Variants in TM7SF2 observed in about 807,000 individuals in gnomAD.
TM7SF2 encodes transmembrane 7 superfamily member 2.
TM7SF2 carries 51 observed loss-of-function variants against 51.0 expected under a neutral mutation model. The observed-to-expected ratio is 1.00, with a 90% CI of 0.80 to 1.26. The LOEUF (loss-of-function observed/expected upper bound fraction) is 1.26, where lower values mean the gene tolerates loss of function less well. Among genes scored for constraint, TM7SF2 ranks in the 50% most tolerant of loss-of-function variants. The pLI is 0.00. For synonymous variants in TM7SF2, 255 were observed against 241.0 expected (o/e 1.06, Z -0.54); for missense variants, 541 against 547.4 (o/e 0.99, Z 0.12).
In TM7SF2 at chr11:65,113,406, G is replaced by A. The variant is rs1947937155; in HGVS notation, c.491G>A (p.Gly164Glu). 1.2e-6 allele frequency: 2 copies of A among 1,614,192 alleles called. No homozygotes were observed. The highest frequency in any genetic ancestry group is 1.7e-6 in the Non-Finnish European group (2 of 1,180,020). Residue 164 changes from glycine (G) to glutamate (E), a missense_variant, in exon 4 of 10, where the codon GGG (glycine) becomes GAG (glutamate). Transcript: ENST00000279263. The stretch of plus-strand genomic sequence containing the variant: ...CCAGTTTCGGCCCTGGCACCTGGGG[G>A]GAACTCAGGTGAGAGGGGTCCTGGG... ...VAPVSALAPGGNSGNPIYDFF... is the reference protein window; with the variant it reads ...VAPVSALAPGENSGNPIYDFF...
rs1192899550 is a variant in TM7SF2, at chr11:65,112,793, G to A, written c.250-18G>A. 2 of 1,550,336 alleles carry A rather than the reference G, an allele frequency of 1.3e-6. No individual in the cohort carries two copies. The highest frequency in any genetic ancestry group is 1.4e-5 in the African/African-American group (1 of 73,168). On this transcript the variant is annotated intron_variant, in intron 2 of 9. Transcript: ENST00000279263. ...AAAGGACGCCCCGGGCCTTATCAGA[G>A]CCCCCTTGGACCCGCAGGTGGCCGA... is the stretch of plus-strand genomic sequence containing the variant.
chr11:65,115,875 G>C lies in TM7SF2; in HGVS notation c.1097-18G>C. The stretch of plus-strand genomic sequence containing the variant: ...TGGAGGGGCCGGCAGGGTGGTCACA[G>C]AGCCTCCTTCTCTACAGGGGTGTCA... On this transcript the variant is annotated intron_variant, in intron 9 of 9. Transcript: ENST00000279263. The C allele has an allele frequency of 1.9e-6, 3 of 1,614,006 alleles. No homozygotes were observed. Among genetic ancestry groups the C allele is most frequent in the Non-Finnish European group, 2.5e-6 (3 of 1,179,990 alleles).
intron 3 of TM7SF2, 36 bp downstream of exon 3, chr11:65,112,901 C>T: frequency 6.5e-7 from 1 of 1,549,042 alleles, no homozygotes; most frequent in Non-Finnish European, 8.7e-7. Flanking sequence ...TGGAGTTAAG[C>T]GGCCGGGGGT....
rs760505763 is a variant in TM7SF2, at chr11:65,114,830, G to C, written c.721G>C (p.Glu241Gln). 1 of 1,614,238 alleles carries C rather than the reference G, an allele frequency of 6.2e-7. No homozygotes were observed. Among genetic ancestry groups the C allele is most frequent in the Non-Finnish European group, 8.5e-7 (1 of 1,180,030 alleles). Residue 241 changes from glutamate to glutamine, a missense_variant and splice_region_variant, in exon 6 of 10, where the codon GAG becomes CAG. Coordinates refer to ENST00000279263, the MANE Select transcript of TM7SF2 (RefSeq NM_003273.6). ...CTACGTGGGTGATGCCCTCTGGCAC[G>C]AGGTGAGGCTGGACTGGACGAGGGT... ...LLYVGDALWH[E>Q]EAVLTTMDIT...
chr11:65,112,866 G>T lies in TM7SF2; in HGVS notation c.304+1G>T. 1 of 1,550,746 alleles carries T rather than the reference G, an allele frequency of 6.4e-7. No homozygotes were observed. The highest frequency in any genetic ancestry group is 8.7e-7 in the Non-Finnish European group (1 of 1,147,104). On this transcript the variant is annotated splice_donor_variant, in intron 3 of 9. Transcript: ENST00000279263. LOFTEE classifies it high-confidence loss of function. ...AGTCGCCTGCGCTATCCTATTAACG[G>T]TGCCTAGGGGACGGGCCCTCGCGCT...
chr11:65,114,738 T>C lies in TM7SF2; in HGVS notation c.629T>C (p.Met210Thr), dbSNP rs1192923440. 1 of 1,614,240 alleles carries C rather than the reference T, an allele frequency of 6.2e-7. No homozygotes were observed. The highest frequency in any genetic ancestry group is 1.1e-5 in the South Asian group (1 of 91,082). ...GTCCTCATCAACCTGGCCCTGTTGATGAAGGAGGCAGAGCTTCGAGGCAGT... is the reference window on the plus strand; with the variant it reads ...GTCCTCATCAACCTGGCCCTGTTGACGAAGGAGGCAGAGCTTCGAGGCAGT... ...GWVLINLALLMKEAELRGSPS... is the reference protein window; with the variant it reads ...GWVLINLALLTKEAELRGSPS... Residue 210 changes from methionine to threonine, a missense_variant, in exon 6 of 10, where the codon ATG becomes ACG. Physicochemically the swap from Met to Thr is moderately conservative, Grantham distance 81 (BLOSUM62 -1). Coordinates refer to ENST00000279263, the MANE Select transcript of TM7SF2 (RefSeq NM_003273.6).
rs1947981686 is a variant in TM7SF2 at position 65,116,118 on chromosome 11, A to G, written c.*65A>G. The G allele has an allele frequency of 6.4e-7, 1 of 1,555,230 alleles. No homozygotes were observed. The highest frequency in any genetic ancestry group is 8.7e-7 in the Non-Finnish European group (1 of 1,152,318). ...ATCCACCAGCACACCCAGGACCAGG[A>G]GCCTCGACACACTTGGGACTCAAGG... On this transcript the variant is annotated 3_prime_UTR_variant, in exon 10 of 10. Transcript: ENST00000279263.
At chr11:65,113,987 C>G (rs1201148663) in intron 5 of TM7SF2, among the ~76,000 whole-genome samples, 4 of 152,186 alleles carry the variant, frequency 2.6e-5, no homozygotes, top group African/African-American at 9.6e-5. Flanking sequence ...GGGTTAGCAA[C>G]CTACCCGTCA....
Position 65,113,402 on chromosome 11 carries a change from G to T in TM7SF2, c.487G>T (p.Gly163Trp). 6.2e-7 allele frequency: 1 copy of T among 1,614,110 alleles called. No homozygotes were observed. Among genetic ancestry groups the T allele is most frequent in the Non-Finnish European group, 8.5e-7 (1 of 1,179,986 alleles). Reference sequence around the variant, plus strand: ...AGCCCCAGTTTCGGCCCTGGCACCTGGGGGGAACTCAGGTGAGAGGGGTCC... The same window carrying T: ...AGCCCCAGTTTCGGCCCTGGCACCTTGGGGGAACTCAGGTGAGAGGGGTCC... ...QVAPVSALAPGGNSGNPIYDF... is the reference protein window; with the variant it reads ...QVAPVSALAPWGNSGNPIYDF... The change falls in exon 4 of 10, where the codon GGG becomes TGG. Residue 163 changes from glycine to tryptophan, a missense_variant. Gly to Trp is a radical substitution (Grantham distance 184, BLOSUM62 -2). Coordinates refer to ENST00000279263, the MANE Select transcript of TM7SF2 (RefSeq NM_003273.6).
chr11:65,115,601 G>A lies in TM7SF2; in HGVS notation c.1096+3G>A. The A allele has an allele frequency of 1.2e-6, 2 of 1,613,976 alleles. No homozygotes were observed. The highest frequency in any genetic ancestry group is 1.7e-6 in the Non-Finnish European group (2 of 1,179,976). ...TCTGGCTTGGTCCTTGCCCTGCGGT[G>A]AGTGGCCCATGTGGATATGGGTAGG... On this transcript the variant is annotated splice_donor_region_variant and intron_variant, in intron 9 of 9. Transcript: ENST00000279263.
At position 65,113,031 on chromosome 11, in the gene TM7SF2, A is replaced by T. The variant is rs959341496; in HGVS notation, c.304+166A>T. 104 of 1,053,248 alleles carry T rather than the reference A, an allele frequency of 9.9e-5. 1 individual carries two copies. The South Asian group carries it at 1.6e-3, about 16-fold the overall frequency. 65.2% of individuals were successfully genotyped at this position (1,053,248 alleles called of 1,614,324 possible). On this transcript the variant is annotated intron_variant, in intron 3 of 9. Coordinates refer to ENST00000279263, the MANE Select transcript of TM7SF2 (RefSeq NM_003273.6). ...CTCTCCCTATGCCCCTCGTCCCCAC[A>T]GCCTTACCCCATTTACTGCTACTCC...
At chr11:65,115,621 G>T in intron 9 of TM7SF2, 23 bp downstream of exon 9, 1 of 1,613,260 alleles carries the variant, frequency 6.2e-7, no homozygotes, top group Non-Finnish European at 8.5e-7. Flanking sequence ...TGTGGATATG[G>T]GTAGGGACAT....
intron 5 of TM7SF2, among the ~76,000 whole-genome samples, chr11:65,114,007 T>C (rs1464403020): frequency 6.6e-6 from 1 of 152,090 alleles, no homozygotes; most frequent in African/African-American, 2.4e-5. Flanking sequence ...ACTAGTGGCC[T>C]TGACAACATT....
At position 65,116,116 on chromosome 11, in the gene TM7SF2, G is replaced by C. The variant is rs1947981647; in HGVS notation, c.*63G>C. 2.3e-5 allele frequency: 36 copies of C among 1,559,562 alleles called. No individual in the cohort carries two copies. In the South Asian group the frequency reaches 3.6e-4, roughly 16 times the overall value. ...TCATCCACCAGCACACCCAGGACCAGGAGCCTCGACACACTTGGGACTCAA... is the reference window on the plus strand; with the variant it reads ...TCATCCACCAGCACACCCAGGACCACGAGCCTCGACACACTTGGGACTCAA... On this transcript the variant is annotated 3_prime_UTR_variant, in exon 10 of 10. Transcript: ENST00000279263.
intron 5 of TM7SF2, 23 bp downstream of exon 5, chr11:65,113,617 G>A: frequency 6.2e-7 from 1 of 1,610,138 alleles, no homozygotes; most frequent in Non-Finnish European, 8.5e-7. Context: ...TGACTGAGCT[G>A]GCCTCAGGCC....
chr11:65,112,272 T>C, intron 1 of TM7SF2: 1 of 644,446 alleles, frequency 1.6e-6, no homozygotes, highest in Non-Finnish European at 2.6e-6. Flanking sequence ...CGGGGATTTA[T>C]GGTGTCGACT....
At chr11:65,112,423 A>G in intron 1 of TM7SF2, 92 bp from the exon 2 acceptor site, 1 of 1,327,498 alleles carries the variant, frequency 7.5e-7, no homozygotes, top group East Asian at 2.9e-5. Flanking sequence ...GAATGCCGAG[A>G]GGGTCCCGCA....
In TM7SF2 at chr11:65,112,598, G is replaced by C; in HGVS notation, c.136G>C (p.Gly46Arg). ...AARSGPARLL[G>R]PPASLPGLEV... ...CCGTTCGGGCCCCGCGCGCCTGCTG[G>C]GTCCACCCGCGTCCCTGCCGGGGCT... is the stretch of plus-strand genomic sequence containing the variant. Residue 46 changes from glycine to arginine, a missense_variant, in exon 2 of 10, where the codon GGT (glycine) becomes CGT (arginine). Gly to Arg is a moderately radical substitution (Grantham distance 125, BLOSUM62 -2). Transcript: ENST00000279263. 2.0e-6 allele frequency: 3 copies of C among 1,516,322 alleles called. No homozygotes were observed. The highest frequency in any genetic ancestry group is 2.6e-6 in the Non-Finnish European group (3 of 1,139,056). 93.9% of individuals were successfully genotyped at this position (1,516,322 alleles called of 1,614,324 possible).
Position 65,113,309 on chromosome 11 carries a change from C to T in TM7SF2, c.394C>T (p.Pro132Ser). 1.2e-6 allele frequency: 2 copies of T among 1,613,234 alleles called. No individual in the cohort carries two copies. Among genetic ancestry groups the T allele is most frequent in the Non-Finnish European group, 1.7e-6 (2 of 1,180,020 alleles). Residue 132 changes from proline to serine, a missense_variant, in exon 4 of 10, where the codon CCC becomes TCC. Pro to Ser is a moderately conservative substitution (Grantham distance 74). Coordinates refer to ENST00000279263, the MANE Select transcript of TM7SF2 (RefSeq NM_003273.6). ...PLGALPEMLL[P>S]LAFVATLTAF... ...GGGGGCGCTCCCGGAAATGCTCCTGCCCTTGGCGTTTGTCGCCACCCTCAC... is the reference window on the plus strand; with the variant it reads ...GGGGGCGCTCCCGGAAATGCTCCTGTCCTTGGCGTTTGTCGCCACCCTCAC...
Sources: allele counts gnomAD v4.1 joint callset (sites outside exome capture counted in the v4.1 genomes callset), GRCh38; gene constraint gnomAD v4.1.1; transcripts MANE v1.5; gene names NCBI Gene and HGNC (gene_info 2026-07-23, HGNC 2026-07-21).